The following MYOCD variants were observed in gnomAD, a reference collection of about 807,000 sequenced individuals.
MYOCD encodes myocardin.
In MYOCD, 32 loss-of-function variants were observed where a neutral mutation model predicts 96.1. The ratio of observed to expected loss-of-function variants is 0.33; its 90% CI spans 0.25 to 0.45. The LOEUF (loss-of-function observed/expected upper bound fraction) is 0.45, where lower values mean the gene tolerates loss of function less well. Ranked by LOEUF, MYOCD falls within the 20% of genes least tolerant of loss-of-function variation. MYOCD has a pLI of 1.00. For missense variants in MYOCD, 1,133 were observed against 1,200.6 expected (o/e 0.94, Z 0.83); for synonymous variants, 469 against 469.0 (o/e 1.00, Z 0.00).
intron 2 of MYOCD, among the ~76,000 whole-genome samples, chr17:12,711,094 T>C (rs1203276002): frequency 1.3e-5 from 2 of 152,116 alleles, no homozygotes; most frequent in African/African-American, 4.8e-5. Flanking sequence ...ATTATTGGGG[T>C]AACAGACCCT....
At position 12,752,514 on chromosome 17, in the gene MYOCD, G is replaced by C; in HGVS notation, c.1226G>C (p.Gly409Ala). The change falls in exon 10 of 14, where the codon GGC becomes GCC. Residue 409 changes from glycine to alanine, a missense_variant. Transcript: ENST00000425538. ...DRLRPFQDCS[G>A]NPVPNFGDIT... ...CTTCGACCCTTCCAGGACTGCTCTG[G>C]CAACCCAGTGCCGAACTTTGGGGAT... 1.2e-6 allele frequency: 2 copies of C among 1,614,152 alleles called. No individual in the cohort carries two copies. Among genetic ancestry groups the C allele is most frequent in the Non-Finnish European group, 1.7e-6 (2 of 1,180,036 alleles).
At chr17:12,698,309 AGT>A (rs2150665733) in intron 1 of MYOCD, among the ~76,000 whole-genome samples, 1 of 152,292 alleles carries the variant, frequency 6.6e-6, no homozygotes, top group South Asian at 2.1e-4. Flanking sequence ...ATCTGATAAA[AGT>A]CATAAGCCAG....
chr17:12,707,311 C>T (rs568208758), intron 2 of MYOCD, among the ~76,000 whole-genome samples: 2 of 152,070 alleles, frequency 1.3e-5, no homozygotes, highest in Non-Finnish European at 2.9e-5. Context: ...ATAAACCAGG[C>T]TATGTACACG....
intron 1 of MYOCD, among the ~76,000 whole-genome samples, chr17:12,701,361 G>A (rs1052630337): frequency 1.3e-5 from 2 of 152,096 alleles, no homozygotes; most frequent in African/African-American, 2.4e-5. Context: ...GCAGTGAGCC[G>A]AGATCGTGCC....
At chr17:12,735,512 A>G (rs939606546) in intron 5 of MYOCD, among the ~76,000 whole-genome samples, 12 of 152,186 alleles carry the variant, frequency 7.9e-5, no homozygotes, top group African/African-American at 2.9e-4. Flanking sequence ...AAGAAATGCC[A>G]AATAATAAAA....
chr17:12,729,558 G>T (rs543977781), intron 5 of MYOCD, among the ~76,000 whole-genome samples: 1 of 152,148 alleles, frequency 6.6e-6, no homozygotes, highest in African/African-American at 2.4e-5. Context: ...CTGTCAAAGA[G>T]AAAAGGGAGA....
intron 5 of MYOCD, among the ~76,000 whole-genome samples, chr17:12,727,065 T>C (rs146028804): frequency 6.6e-6 from 1 of 152,158 alleles, no homozygotes; most frequent in Non-Finnish European, 1.5e-5. Flanking sequence ...GAGCGCCCAG[T>C]GGAGGAAGGT....
chr17:12,732,527 C>T (rs372516276), intron 5 of MYOCD, among the ~76,000 whole-genome samples: 9 of 152,314 alleles, frequency 5.9e-5, no homozygotes, highest in African/African-American at 1.4e-4. Context: ...GACAGATTCT[C>T]TGATTGTGTC....
At chr17:12,684,789 T>A (rs1488395112) in intron 1 of MYOCD, among the ~76,000 whole-genome samples, 1 of 145,392 alleles carries the variant, frequency 6.9e-6, no homozygotes, top group Non-Finnish European at 1.5e-5. Flanking sequence ...GGGGTTGCGG[T>A]GAGCTGAGAT....
At chr17:12,677,243 G>T (rs1421986034) in intron 1 of MYOCD, among the ~76,000 whole-genome samples, 1 of 152,120 alleles carries the variant, frequency 6.6e-6, no homozygotes, top group Non-Finnish European at 1.5e-5. Context: ...ACATACTGGG[G>T]CCTGTCGGAG....
At chr17:12,696,230 G>C (rs923122689) in intron 1 of MYOCD, among the ~76,000 whole-genome samples, 1 of 151,774 alleles carries the variant, frequency 6.6e-6, no homozygotes, top group African/African-American at 2.4e-5. Flanking sequence ...CGCCCGCCTC[G>C]ACCTCCCAAA....
At chr17:12,734,833 G>T (rs2150702170) in intron 5 of MYOCD, among the ~76,000 whole-genome samples, 1 of 152,236 alleles carries the variant, frequency 6.6e-6, no homozygotes, top group Non-Finnish European at 1.5e-5. Context: ...TCTAAGGTAT[G>T]AATTTCTATG....
At chr17:12,718,791 A>G (rs2031725526) in intron 4 of MYOCD, among the ~76,000 whole-genome samples, 1 of 152,298 alleles carries the variant, frequency 6.6e-6, no homozygotes, top group Non-Finnish European at 1.5e-5. Context: ...CTCCTTTGCA[A>G]TGGTGTCTAC....
At chr17:12,722,653 C>A (rs771216900) in intron 4 of MYOCD, among the ~76,000 whole-genome samples, 194 bp from the exon 5 acceptor site, 1 of 152,142 alleles carries the variant, frequency 6.6e-6, no homozygotes, top group Non-Finnish European at 1.5e-5. Flanking sequence ...ATGTGCCTCT[C>A]GATTTGCCTT....
intron 1 of MYOCD, among the ~76,000 whole-genome samples, chr17:12,688,827 AG>A (rs1365659335): frequency 2.6e-5 from 4 of 151,514 alleles, no homozygotes; most frequent in Admixed American, 2.6e-4. Context: ...TGTGGGCAAA[AG>A]TATTGCCTTA....
chr17:12,741,705 G>A (rs1567594439), intron 7 of MYOCD, among the ~76,000 whole-genome samples: 1 of 146,968 alleles, frequency 6.8e-6, no homozygotes, highest in African/African-American at 2.5e-5. Flanking sequence ...GCGAGACTCT[G>A]TATATATATA....
intron 1 of MYOCD, among the ~76,000 whole-genome samples, chr17:12,695,109 G>T (rs921319756): frequency 1.3e-5 from 2 of 152,162 alleles, no homozygotes; most frequent in African/African-American, 4.8e-5. Context: ...GTTTAGAGAT[G>T]ATCTTAGTCC....
chr17:12,671,707 C>G (rs1397580163), intron 1 of MYOCD, among the ~76,000 whole-genome samples: 2 of 152,108 alleles, frequency 1.3e-5, no homozygotes, highest in Non-Finnish European at 2.9e-5. Flanking sequence ...AAGATTGTGT[C>G]AAGTTGGCTT....
rs577388125 is a variant in MYOCD, at chr17:12,722,788, A to G, written c.254-59A>G. On this transcript the variant is annotated intron_variant, in intron 4 of 13. Coordinates refer to ENST00000425538, the MANE Select transcript of MYOCD (RefSeq NM_001146312.3). ...TTGTAACCACAAGCCAAAAAACAAA[A>G]AAGAGAGAGACAGAGACATCAAATT... is the stretch of plus-strand genomic sequence containing the variant. The G allele has an allele frequency of 1.8e-5, 26 of 1,450,160 alleles. No individual in the cohort carries two copies. In the East Asian group the frequency reaches 5.7e-4, roughly 32 times the overall value. 89.8% of individuals were successfully genotyped at this position (1,450,160 alleles called of 1,614,324 possible). A position where few individuals can be genotyped will look rare whatever the true frequency, so the allele number is the denominator to read the frequency against.
Sources: allele counts gnomAD v4.1 joint callset (sites outside exome capture counted in the v4.1 genomes callset), GRCh38; gene constraint gnomAD v4.1.1; transcripts MANE v1.5; gene names NCBI Gene and HGNC (gene_info 2026-07-23, HGNC 2026-07-21).